TTC8: variants seen among roughly 807,000 people sequenced by gnomAD.
TTC8 encodes the protein tetratricopeptide repeat protein 8.
TTC8 carries 47 observed loss-of-function variants against 72.5 expected under a neutral mutation model. The observed-to-expected ratio is 0.65, with a 90% CI of 0.51 to 0.83. The LOEUF (loss-of-function observed/expected upper bound fraction) is 0.83, where lower values mean the gene tolerates loss of function less well. TTC8 is among the 40% of genes least tolerant of loss of function. The pLI is 0.00. For synonymous variants in TTC8, 199 were observed against 221.4 expected (o/e 0.90, Z 0.90); for missense variants, 611 against 623.2 (o/e 0.98, Z 0.21).
At chr14:88,825,623 G>A (rs76189516) in intron 1 of TTC8, among the ~76,000 whole-genome samples, 3,553 of 152,304 alleles carry the variant, frequency 0.023, 149 homozygotes, top group African/African-American at 0.081. Context: ...GTAGCGCTGC[G>A]GCAGTTTGTC....
chr14:88,839,689 A>C, intron 3 of TTC8, 117 bp downstream of exon 3: 2 of 1,205,102 alleles, frequency 1.7e-6, no homozygotes, highest in Middle Eastern at 2.6e-4. Context: ...AACATTATAG[A>C]CATGAAACAA....
At chr14:88,825,877 G>T (rs758145407) in intron 1 of TTC8, among the ~76,000 whole-genome samples, 17 of 152,172 alleles carry the variant, frequency 1.1e-4, no homozygotes, top group Non-Finnish European at 2.4e-4. Context: ...AACAGCCTAC[G>T]TTAGTGGTAA....
At chr14:88,876,955 T>G (rs1335116988) in intron 14 of TTC8, among the ~76,000 whole-genome samples, 2 of 152,212 alleles carry the variant, frequency 1.3e-5, no homozygotes, top group Admixed American at 1.3e-4. Flanking sequence ...ACTTTACGTT[T>G]ATAATACTAT....
At position 88,840,875 on chromosome 14, in the gene TTC8, G is replaced by A. The variant is rs574914287; in HGVS notation, c.276G>A (p.Thr92=). The change falls in exon 4 of 15, where the codon ACG becomes ACA. Residue 92 remains threonine, a synonymous_variant. Transcript: ENST00000380656. ...CATCTTGTCTCCTAGGCCCTGGAAC[G>A]TCTTTGAAACTCCCTGGAACTAATC... ...NAIAQVPRPG[T]SLKLPGTNQT... is the part of the protein sequence containing the mutation. The A allele has an allele frequency of 8.9e-5, 143 of 1,614,062 alleles. No individual in the cohort carries two copies. The South Asian group carries it at 1.1e-3, about 13-fold the overall frequency.
intron 10 of TTC8, among the ~76,000 whole-genome samples, chr14:88,862,165 G>C (rs1164406716): frequency 6.6e-6 from 1 of 151,730 alleles, no homozygotes; most frequent in Non-Finnish European, 1.5e-5. Context: ...TTGTCTTTTT[G>C]ATGATAGCCG....
chr14:88,844,055 G>C (rs2094794555), intron 7 of TTC8, among the ~76,000 whole-genome samples: 1 of 152,176 alleles, frequency 6.6e-6, no homozygotes, highest in Non-Finnish European at 1.5e-5. Flanking sequence ...TTGGTTCATA[G>C]AGTATGTAGA....
intron 2 of TTC8, among the ~76,000 whole-genome samples, chr14:88,835,532 A>T (rs1257786275): frequency 1.3e-5 from 2 of 152,216 alleles, no homozygotes; most frequent in Non-Finnish European, 2.9e-5. Context: ...TAAAAAACAA[A>T]GTTCCAAAAG....
At chr14:88,853,593 A>C (rs1057079691) in intron 8 of TTC8, among the ~76,000 whole-genome samples, 2 of 152,214 alleles carry the variant, frequency 1.3e-5, no homozygotes, top group Non-Finnish European at 2.9e-5. Flanking sequence ...GATTTGTCCA[A>C]ATTCACGTAA....
At chr14:88,856,592 C>T (rs190643760) in intron 8 of TTC8, among the ~76,000 whole-genome samples, 1 of 152,130 alleles carries the variant, frequency 6.6e-6, no homozygotes, top group Non-Finnish European at 1.5e-5. Flanking sequence ...GCCCTACTTA[C>T]ATCAGGACAG....
In TTC8 at chr14:88,848,110, C is replaced by T. The variant is rs553570828; in HGVS notation, c.624+4260C>T. On this transcript the variant is annotated intron_variant, in intron 7 of 14. Coordinates refer to ENST00000380656, the MANE Select transcript of TTC8 (RefSeq NM_144596.4). ...TGCATTTCAGCCTGGGCGACAAGAG[C>T]GAAACTCTGTCTCAAAAAAAAAAAA... Among the ~76,000 whole-genome samples the T allele has an allele frequency of 1.3e-4, 14 of 109,210 alleles. No individual in the cohort carries two copies. The South Asian group carries it at 4.0e-3, about 32-fold the overall frequency. 71.6% of individuals were successfully genotyped at this position (109,210 alleles called of 152,430 possible).
chr14:88,874,891 G>C (rs58791656), intron 13 of TTC8, 135 bp from the exon 14 acceptor site: 4 of 588,444 alleles, frequency 6.8e-6, no homozygotes, highest in Non-Finnish European at 1.2e-5. Flanking sequence ...GAATGTTGTC[G>C]GTATTTATCA....
At chr14:88,841,272 T>G (rs936376014) in intron 5 of TTC8, 76 bp downstream of exon 5, 141 of 1,597,416 alleles carry the variant, frequency 8.8e-5, no homozygotes, top group Non-Finnish European at 1.1e-4. Context: ...TGGTATATCA[T>G]TTTCCCCTGT....
chr14:88,879,476 C>T (rs912851530), downstream of TTC8: 3 of 148,896 alleles, frequency 2.0e-5, no homozygotes, highest in African/African-American at 7.8e-5. Flanking sequence ...TGCGCTAAAA[C>T]ATTACTGAGG....
At chr14:88,869,976 G>C (rs564297669) in intron 10 of TTC8, 83 bp from the exon 11 acceptor site, 1 of 1,397,764 alleles carries the variant, frequency 7.2e-7, no homozygotes, top group Non-Finnish European at 1.0e-6. Flanking sequence ...CTTATTGAAT[G>C]AATGGACTTA....
chr14:88,828,500 T>C (rs1275367682), intron 1 of TTC8, among the ~76,000 whole-genome samples: 1 of 152,232 alleles, frequency 6.6e-6, no homozygotes, highest in Non-Finnish European at 1.5e-5. Flanking sequence ...CCAAACTGAT[T>C]ATAGTATGGA....
chr14:88,826,005 C>T (rs745954330), intron 1 of TTC8, among the ~76,000 whole-genome samples: 2 of 150,738 alleles, frequency 1.3e-5, no homozygotes, highest in Non-Finnish European at 2.9e-5. Flanking sequence ...TTTTTTGAGA[C>T]GGAGTCTCGC....
At chr14:88,824,953 G>T (rs1358856281) in intron 1 of TTC8, 132 bp downstream of exon 1, 6 of 825,936 alleles carry the variant, frequency 7.3e-6, no homozygotes, top group Non-Finnish European at 1.2e-5. Context: ...CCTCGGAGGC[G>T]CCCGGAGCGA....
chr14:88,874,905 G>A, intron 13 of TTC8, 121 bp from the exon 14 acceptor site: 1 of 656,270 alleles, frequency 1.5e-6, no homozygotes, highest in South Asian at 2.0e-5. Context: ...TTTATCACAG[G>A]CTCGTGTTAT....
chr14:88,837,020 C>T (rs1222837066), intron 2 of TTC8: 1 of 268,716 alleles, frequency 3.7e-6, no homozygotes. Flanking sequence ...GAGATCACGC[C>T]ATTGTACTCC....
Sources: gnomAD v4.1 joint callset for allele counts (sites outside exome capture counted in the v4.1 genomes callset) on GRCh38, gnomAD v4.1.1 for gene constraint, MANE v1.5 for transcripts, NCBI Gene and HGNC (gene_info 2026-07-23, HGNC 2026-07-21) for gene names.